Variants in KHSRP observed in about 807,000 individuals in gnomAD.
KHSRP encodes the protein KH-type splicing regulatory protein, also known as far upstream element-binding protein 2.
KHSRP carries 13 observed loss-of-function variants against 94.9 expected under a neutral mutation model. The observed-to-expected ratio is 0.14, with a 90% CI of 0.09 to 0.22. The LOEUF (loss-of-function observed/expected upper bound fraction) is 0.22, where lower values mean the gene tolerates loss of function less well. KHSRP is among the 10% of genes least tolerant of loss of function. The pLI is 1.00. For synonymous variants in KHSRP, 495 were observed against 401.4 expected (o/e 1.23, Z -2.79); for missense variants, 710 against 1,010.0 (o/e 0.70, Z 4.03).
chr19:6,417,491 C>T (rs1341556754), intron 11 of KHSRP, among the ~76,000 whole-genome samples: 1 of 152,206 alleles, frequency 6.6e-6, no homozygotes, highest in Non-Finnish European at 1.5e-5. Context: ...TCAGGATAGG[C>T]TCCATCGTAG....
intron 1 of KHSRP, 89 bp downstream of exon 1, chr19:6,424,364 C>T (rs2092218058): frequency 1.6e-6 from 1 of 612,254 alleles, no homozygotes; most frequent in Non-Finnish European, 2.0e-6. Flanking sequence ...CCCTCCGCGA[C>T]CCTGCGCGCG....
chr19:6,416,915 C>T (rs2092151199), intron 12 of KHSRP, 33 bp from the exon 13 acceptor site: 1 of 1,612,776 alleles, frequency 6.2e-7, no homozygotes, highest in South Asian at 1.1e-5. Flanking sequence ...GGATGATGAA[C>T]CCTGGAAGCC....
rs763452593 is a variant in KHSRP at position 6,415,463 on chromosome 19, C to A, written c.1889-6G>T. ...GGGCTGCTGGGGCTGCTGGCCTGTG[C>A]GGGCGCCGAGACAGGTCAGAAACCA... On this transcript the variant is annotated splice_polypyrimidine_tract_variant and splice_region_variant and intron_variant, in intron 17 of 18. Transcript: ENST00000600480. 1.3e-6 allele frequency: 2 copies of A among 1,556,334 alleles called. No homozygotes were observed. Among genetic ancestry groups the A allele is most frequent in the Non-Finnish European group, 1.7e-6 (2 of 1,150,030 alleles).
In KHSRP at chr19:6,424,715, C is replaced by G. The variant is rs1271695918; in HGVS notation, c.-14G>C. On this transcript the variant is annotated 5_prime_UTR_variant, in exon 1 of 19. Transcript: ENST00000600480. ...GTAGTCCGACATGGCGCGGCGGGGCCGGGCCTGGCGCGGAGGCTGAAGCTG... is the reference window on the plus strand; with the variant it reads ...GTAGTCCGACATGGCGCGGCGGGGCGGGGCCTGGCGCGGAGGCTGAAGCTG... The G allele has an allele frequency of 9.7e-7, 1 of 1,035,428 alleles. No homozygotes were observed. Among genetic ancestry groups the G allele is most frequent in the Non-Finnish European group, 1.2e-6 (1 of 861,112 alleles). The allele number at this position is 1,035,428 out of a possible 1,614,324, so 64.1% of individuals were successfully genotyped here. A position where few individuals can be genotyped will look rare whatever the true frequency, so the allele number is the denominator to read the frequency against.
chr19:6,420,265 G>T (rs1280528519), intron 5 of KHSRP, 121 bp from the exon 6 acceptor site: 1 of 1,143,890 alleles, frequency 8.7e-7, no homozygotes. Flanking sequence ...GTCCTCTAGA[G>T]AGCTCCTGTC....
intron 5 of KHSRP, 22 bp from the exon 6 acceptor site, chr19:6,420,166 A>G: frequency 6.2e-7 from 1 of 1,603,876 alleles, no homozygotes; most frequent in Non-Finnish European, 8.5e-7. Flanking sequence ...AAGAAGGAGA[A>G]AAGCAAAGCG....
chr19:6,416,455 G>A, intron 14 of KHSRP, 35 bp downstream of exon 14: 1 of 1,612,598 alleles, frequency 6.2e-7, no homozygotes, highest in Non-Finnish European at 8.5e-7. Context: ...GATCCGGGCT[G>A]TGAGACCAAA....
At chr19:6,417,656 C>T in intron 11 of KHSRP, 83 bp downstream of exon 11, 8 of 1,195,862 alleles carry the variant, frequency 6.7e-6, no homozygotes, top group Non-Finnish European at 9.7e-6. Context: ...CCTGGCTGAC[C>T]ACGGTGCCCA....
At position 6,415,577 on chromosome 19, in the gene KHSRP, C is replaced by G. The variant is rs748851088; in HGVS notation, c.1845G>C (p.Gln615His). Residue 615 changes from glutamine to histidine, a missense_variant, in exon 17 of 19, where the codon CAG (glutamine) becomes CAC (histidine). This residue lies in a region of KHSRP where 292 missense variants were observed against 340.5 expected (regional missense o/e 0.86). Transcript: ENST00000600480. ...CTTCCCAGGCCTTAGTGTAGTCCGA[C>G]TGGCCGGTGGGTGGGGGCTGAGGGG... ...GEPPQPPPTG[Q>H]SDYTKAWEEY... 2 of 1,519,596 alleles carry G rather than the reference C, an allele frequency of 1.3e-6. No homozygotes were observed. The highest frequency in any genetic ancestry group is 1.8e-6 in the Non-Finnish European group (2 of 1,132,740). 94.1% of individuals were successfully genotyped at this position (1,519,596 alleles called of 1,614,324 possible).
chr19:6,423,048 G>A (rs1240497651), intron 1 of KHSRP, among the ~76,000 whole-genome samples: 1 of 152,218 alleles, frequency 6.6e-6, no homozygotes, highest in African/African-American at 2.4e-5. Context: ...GGGAGGCCGA[G>A]GCGGGCAGAT....
chr19:6,417,276 G>T (rs1054686031), intron 11 of KHSRP, among the ~76,000 whole-genome samples, 189 bp from the exon 12 acceptor site: 1 of 152,180 alleles, frequency 6.6e-6, no homozygotes, highest in East Asian at 1.9e-4. Context: ...GGAAACCCAC[G>T]GCCAAGCCAG....
chr19:6,413,970 C>CA lies in KHSRP; in HGVS notation c.*1053_*1054insT. On this transcript the variant is annotated 3_prime_UTR_variant, in exon 19 of 19. Coordinates refer to ENST00000600480, the MANE Select transcript of KHSRP (RefSeq NM_001366299.1). ...GGCCCGGCATGCCCCCAAGTCCCCCCCACCCTGCTTGCCGCGAGGGCTCCC... is the reference window on the plus strand; with the variant it reads ...GGCCCGGCATGCCCCCAAGTCCCCCCACACCCTGCTTGCCGCGAGGGCTCCC... The CA allele has an allele frequency of 3.5e-6, 4 of 1,135,112 alleles. No homozygotes were observed. Among genetic ancestry groups the CA allele is most frequent in the Non-Finnish European group, 4.9e-6 (4 of 824,230 alleles). 70.3% of individuals were successfully genotyped at this position (1,135,112 alleles called of 1,614,324 possible). A position where few individuals can be genotyped will look rare whatever the true frequency, so the allele number is the denominator to read the frequency against.
In KHSRP at chr19:6,420,152, G is replaced by A. The variant is rs1416113733; in HGVS notation, c.476-8C>T. On this transcript the variant is annotated splice_polypyrimidine_tract_variant and splice_region_variant and intron_variant, in intron 5 of 18. Coordinates refer to ENST00000600480, the MANE Select transcript of KHSRP (RefSeq NM_001366299.1). The stretch of plus-strand genomic sequence containing the variant: ...CACCTCCTCTGCCAATGACTGGATG[G>A]AGAAAGAAGGAGAAAAGCAAAGCGT... 1 of 1,608,398 alleles carries A rather than the reference G, an allele frequency of 6.2e-7. No individual in the cohort carries two copies. The highest frequency in any genetic ancestry group is 8.5e-7 in the Non-Finnish European group (1 of 1,175,672).
At position 6,417,377 on chromosome 19, in the gene KHSRP, T is replaced by C. The variant is rs184506001; in HGVS notation, c.1082-290A>G. ...ATCTCTGAAAAGCCAGAGGGGCCCT[T>C]CTCCCCACGGCAGGCAGCTCAGAGA... On this transcript the variant is annotated intron_variant, in intron 11 of 18. Transcript: ENST00000600480. Among the ~76,000 whole-genome samples the C allele has an allele frequency of 2.8e-4, 42 of 152,252 alleles. 1 individual carries two copies. The highest frequency in any genetic ancestry group is 9.9e-4 in the African/African-American group (41 of 41,530).
Position 6,413,861 on chromosome 19 carries a change from T to C in KHSRP, c.*1163A>G, listed in dbSNP as rs2092119591. The C allele has an allele frequency of 1.3e-5, 4 of 318,296 alleles. No homozygotes were observed. The highest frequency in any genetic ancestry group is 2.2e-5 in the Non-Finnish European group (4 of 178,408). The allele number at this position is 318,296 out of a possible 1,614,324, so 19.7% of individuals were successfully genotyped here. ...TTTTTGGCAGAGATTTAGATCTCGC[T>C]ATCTTCTCTGGCTGGCTCAACATGG... is the stretch of plus-strand genomic sequence containing the variant. On this transcript the variant is annotated 3_prime_UTR_variant, in exon 19 of 19. Coordinates refer to ENST00000600480, the MANE Select transcript of KHSRP (RefSeq NM_001366299.1).
At position 6,419,205 on chromosome 19, in the gene KHSRP, G is replaced by T; in HGVS notation, c.603C>A (p.Val201=). The T allele has an allele frequency of 6.3e-7, 1 of 1,582,388 alleles. No individual in the cohort carries two copies. Among genetic ancestry groups the T allele is most frequent in the South Asian group, 1.2e-5 (1 of 86,370 alleles). ...SVSLTGAPES[V]QKAKMMLDDI... is the part of the protein sequence containing the mutation. The stretch of plus-strand genomic sequence containing the variant: ...TGAGAGGCCCTGTGGGGACTTACTG[G>T]ACAGATTCTGGGGCTCCTGTCAAGG... The change falls in exon 7 of 19, where the codon GTC becomes GTA. Residue 201 remains valine (V), a splice_region_variant and synonymous_variant. Transcript: ENST00000600480.
Position 6,415,617 on chromosome 19 carries a change from G to A in KHSRP, c.1805C>T (p.Pro602Leu), listed in dbSNP as rs1313674503. The A allele has an allele frequency of 4.6e-6, 7 of 1,519,418 alleles. No homozygotes were observed. The highest frequency in any genetic ancestry group is 2.0e-5 in the Admixed American group (1 of 48,978). The allele number at this position is 1,519,418 out of a possible 1,614,324, so 94.1% of individuals were successfully genotyped here. A position where few individuals can be genotyped will look rare whatever the true frequency, so the allele number is the denominator to read the frequency against. Residue 602 changes from proline (P) to leucine (L), a missense_variant, in exon 17 of 19, where the codon CCG (proline) becomes CTG (leucine). By Grantham distance (98) the Pro-to-Leu change is moderately conservative. Coordinates refer to ENST00000600480, the MANE Select transcript of KHSRP (RefSeq NM_001366299.1). ...GGGCTGAGGGGGCTCACCCTGAGCC[G>A]GTGGGGCCGCAGGGGCCGGTGCGGG... ...PGPAPAPAAPPAQGEPPQPPP... is the reference protein window; with the variant it reads ...PGPAPAPAAPLAQGEPPQPPP...
At chr19:6,421,168 G>C in intron 4 of KHSRP, 110 bp downstream of exon 4, 3 of 996,744 alleles carry the variant, frequency 3.0e-6, no homozygotes, top group Non-Finnish European at 4.5e-6. Flanking sequence ...CTGGCACTGG[G>C]GGATAAAACC....
intron 6 of KHSRP, 83 bp from the exon 7 acceptor site, chr19:6,419,343 A>C (rs2092180880): frequency 3.7e-5 from 47 of 1,284,896 alleles, no homozygotes; most frequent in Non-Finnish European, 4.6e-5. Context: ...AACTTTCAGA[A>C]CAACCAAGGG....
Sources: gnomAD v4.1 joint callset for allele counts (sites outside exome capture counted in the v4.1 genomes callset) on GRCh38, gnomAD v4.1.1 for gene constraint, gnomAD v4.1.1 regional missense constraint, MANE v1.5 for transcripts, NCBI Gene and HGNC (gene_info 2026-07-23, HGNC 2026-07-21) for gene names.